FHIT: variants seen among roughly 807,000 people sequenced by gnomAD.
The protein encoded by FHIT is bis(5'-adenosyl)-triphosphatase.
A neutral mutation model predicts 17.9 loss-of-function variants in FHIT; 19 were observed. The observed-to-expected ratio is 1.06, with a 90% CI of 0.74 to 1.56. FHIT has a LOEUF of 1.56. Ranked by LOEUF, FHIT falls within the 40% of genes most tolerant of loss-of-function variation. The pLI is 0.00. For missense variants in FHIT, 248 were observed against 189.2 expected (o/e 1.31, Z -1.82); for synonymous variants, 81 against 69.7 (o/e 1.16, Z -0.81).
intron 4 of FHIT, among the ~76,000 whole-genome samples, chr3:60,543,019 T>A (rs531091847): frequency 1.3e-4 from 20 of 152,318 alleles, no homozygotes; most frequent in South Asian, 6.2e-4. Flanking sequence ...AGTTCCCATA[T>A]ATACACAGGA....
chr3:60,916,425 T>C (rs1400702927), intron 3 of FHIT, among the ~76,000 whole-genome samples: 1 of 152,166 alleles, frequency 6.6e-6, no homozygotes, highest in Non-Finnish European at 1.5e-5. Context: ...CAACCAAAAG[T>C]TCATCATTTT....
At chr3:60,616,255 GTTTAA>G (rs1553675870) in intron 4 of FHIT, among the ~76,000 whole-genome samples, 2 of 152,116 alleles carry the variant, frequency 1.3e-5, no homozygotes, top group East Asian at 3.9e-4. Flanking sequence ...TGTTTGTTCA[GTTTAA>G]TTTATTATAC....
At chr3:60,518,319 G>A (rs1485848430) in intron 5 of FHIT, among the ~76,000 whole-genome samples, 1 of 152,090 alleles carries the variant, frequency 6.6e-6, no homozygotes, top group African/African-American at 2.4e-5. Context: ...AGAAAAAGAA[G>A]CAAAGCACCT....
intron 2 of FHIT, among the ~76,000 whole-genome samples, chr3:61,151,366 C>T (rs2037381814): frequency 6.6e-6 from 1 of 152,178 alleles, no homozygotes; most frequent in Non-Finnish European, 1.5e-5. Context: ...GAATGGCATA[C>T]TTGCCTATGT....
At chr3:60,644,696 G>C (rs1273802067) in intron 4 of FHIT, among the ~76,000 whole-genome samples, 1 of 152,030 alleles carries the variant, frequency 6.6e-6, no homozygotes, top group Non-Finnish European at 1.5e-5. Context: ...ACAGGTAATG[G>C]GCAGTTCTAA....
At chr3:60,150,918 C>CAAA (rs57120371) in intron 5 of FHIT, among the ~76,000 whole-genome samples, 1 of 123,108 alleles carries the variant, frequency 8.1e-6, no homozygotes, top group African/African-American at 2.9e-5. Context: ...GACTCCGCCT[C>CAAA]AAAAAAAAAA....
At chr3:60,900,967 G>A (rs1326977019) in intron 3 of FHIT, among the ~76,000 whole-genome samples, 6 of 152,204 alleles carry the variant, frequency 3.9e-5, no homozygotes, top group South Asian at 2.1e-4. Flanking sequence ...TAGTAGAGAC[G>A]AAGTTTCACT....
At chr3:59,962,503 T>C (rs1386643954) in intron 7 of FHIT, among the ~76,000 whole-genome samples, 2 of 152,182 alleles carry the variant, frequency 1.3e-5, no homozygotes, top group Non-Finnish European at 2.9e-5. Context: ...ATATGTCATT[T>C]GTGTAGTTTT....
chr3:60,804,354 T>C (rs782220720), intron 4 of FHIT, among the ~76,000 whole-genome samples: 2 of 152,168 alleles, frequency 1.3e-5, no homozygotes, highest in Admixed American at 1.3e-4. Flanking sequence ...TGCAAATCTA[T>C]CGACCCCCAG....
intron 5 of FHIT, among the ~76,000 whole-genome samples, chr3:60,085,003 A>T (rs896210420): frequency 6.6e-6 from 1 of 152,150 alleles, no homozygotes; most frequent in South Asian, 2.1e-4. Context: ...CTTTTGAGTT[A>T]TATGCCAAAC....
At chr3:60,955,635 C>CACATATATATATATACGT (rs68147355) in intron 3 of FHIT, among the ~76,000 whole-genome samples, 1 of 48,346 alleles carries the variant, frequency 2.1e-5, no homozygotes, top group African/African-American at 7.3e-5. Context: ...TATATATATA[C>CACATATATATATATACGT]ACACACACAC....
rs1303299796 is a variant in FHIT at position 60,244,262 on chromosome 3, A to G, written c.104-230110T>C. Among the ~76,000 whole-genome samples the G allele has an allele frequency of 1.3e-5, 2 of 152,092 alleles. 1 individual carries two copies. The highest frequency in any genetic ancestry group is 1.3e-4 in the Admixed American group (2 of 15,246). On this transcript the variant is annotated intron_variant, in intron 5 of 9. Transcript: ENST00000492590. ...AAATGTCAAGGAAAGGGAATTGTCT[A>G]TAGGATACACACATACCTATATACA...
chr3:60,104,157 A>G (rs924056249), intron 5 of FHIT, among the ~76,000 whole-genome samples: 3 of 152,190 alleles, frequency 2.0e-5, no homozygotes, highest in Non-Finnish European at 4.4e-5. Flanking sequence ...TCAAACCAGT[A>G]TACTATAAAT....
intron 1 of FHIT, among the ~76,000 whole-genome samples, chr3:61,210,118 A>C (rs977301565): frequency 4.6e-5 from 7 of 152,362 alleles, no homozygotes; most frequent in Admixed American, 6.5e-5. Context: ...CCGTGGCTGC[A>C]GAACAGCGGA....
At chr3:60,441,966 C>T (rs1408976130) in intron 5 of FHIT, among the ~76,000 whole-genome samples, 3 of 150,024 alleles carry the variant, frequency 2.0e-5, no homozygotes, top group Non-Finnish European at 4.4e-5. Flanking sequence ...TCAAGTAATC[C>T]TCCTGCCTTA....
intron 6 of FHIT, 128 bp downstream of exon 6, chr3:60,013,879 T>TC (rs1272342710): frequency 6.2e-6 from 6 of 970,118 alleles, no homozygotes; most frequent in Non-Finnish European, 9.3e-6. Context: ...TAGAAATCTC[T>TC]TTTTTTGGCT....
At chr3:60,266,214 G>C (rs1706570444) in intron 5 of FHIT, among the ~76,000 whole-genome samples, 1 of 151,832 alleles carries the variant, frequency 6.6e-6, no homozygotes, top group Admixed American at 6.6e-5. Context: ...AATATTATTA[G>C]CAATAAAAAA....
intron 3 of FHIT, among the ~76,000 whole-genome samples, chr3:60,924,160 A>G (rs879967450): frequency 3.2e-4 from 48 of 152,304 alleles, no homozygotes; most frequent in Non-Finnish European, 6.2e-4. Flanking sequence ...AAAGGCAGCA[A>G]AAACCTCTGC....
At chr3:60,816,583 C>A (rs1553737769) in intron 4 of FHIT, among the ~76,000 whole-genome samples, 1 of 151,892 alleles carries the variant, frequency 6.6e-6, no homozygotes, top group East Asian at 1.9e-4. Flanking sequence ...CAGAATGAAG[C>A]CTACTTGATC....
Sources: allele counts gnomAD v4.1 joint callset (sites outside exome capture counted in the v4.1 genomes callset), GRCh38; gene constraint gnomAD v4.1.1; transcripts MANE v1.5; gene names NCBI Gene and HGNC (gene_info 2026-07-23, HGNC 2026-07-21).